The following DLGAP1 variants were observed in gnomAD, a reference collection of about 807,000 sequenced individuals.
DLGAP1 encodes the protein DLG associated protein 1, also known as disks large-associated protein 1.
DLGAP1 carries 11 observed loss-of-function variants against 90.8 expected under a neutral mutation model. The observed-to-expected ratio is 0.12, with a 90% CI of 0.08 to 0.20. The LOEUF (loss-of-function observed/expected upper bound fraction) is 0.20. Ranked by LOEUF, DLGAP1 falls within the 10% of genes least tolerant of loss-of-function variation. DLGAP1 has a pLI of 1.00. For synonymous variants in DLGAP1, 558 were observed against 540.7 expected (o/e 1.03, Z -0.44); for missense variants, 1,050 against 1,333.8 (o/e 0.79, Z 3.31).
intron 2 of DLGAP1, among the ~76,000 whole-genome samples, chr18:4,044,087 T>G (rs1021865273): frequency 2.0e-5 from 3 of 152,108 alleles, no homozygotes; most frequent in African/African-American, 7.2e-5. Context: ...TTCAAAAAAT[T>G]TAAAAATCAG....
chr18:4,427,843 TCA>T (rs1336596029), intron 1 of DLGAP1, among the ~76,000 whole-genome samples: 1 of 152,176 alleles, frequency 6.6e-6, no homozygotes, highest in African/African-American at 2.4e-5. Context: ...TGTCCAGAGC[TCA>T]CAGTTTTTAT....
intron 4 of DLGAP1, among the ~76,000 whole-genome samples, chr18:3,859,593 C>A (rs2069897966): frequency 6.6e-6 from 1 of 152,060 alleles, no homozygotes; most frequent in South Asian, 2.1e-4. Context: ...GTTGTGGCCA[C>A]AGACACAGAT....
At chr18:4,388,915 G>A (rs886756774) in intron 1 of DLGAP1, among the ~76,000 whole-genome samples, 4 of 152,148 alleles carry the variant, frequency 2.6e-5, no homozygotes, top group Non-Finnish European at 5.9e-5. Flanking sequence ...GTTGACGGGA[G>A]TGTAAAATAG....
chr18:4,449,907 G>A (rs1387171153), intron 1 of DLGAP1, among the ~76,000 whole-genome samples: 1 of 152,104 alleles, frequency 6.6e-6, no homozygotes, highest in African/African-American at 2.4e-5. Context: ...AGTCTTATCT[G>A]AACTACCTAG....
intron 5 of DLGAP1, among the ~76,000 whole-genome samples, chr18:3,793,760 T>C (rs1425865588): frequency 6.6e-6 from 1 of 152,186 alleles, no homozygotes; most frequent in African/African-American, 2.4e-5. Context: ...TCTGACTCAC[T>C]TTCCCCTTGC....
At position 3,526,358 on chromosome 18, in the gene DLGAP1, G is replaced by A. The variant is rs770609957; in HGVS notation, c.2479+7836C>T. On this transcript the variant is annotated intron_variant, in intron 10 of 12. Transcript: ENST00000315677. The surrounding 1 kb of genome is among the most constrained non-coding windows in gnomAD (Gnocchi z 4.7). Reference sequence around the variant, plus strand: ...CGGATAAACCCTGGGTGATGGCACCGATAGACCATCACAATGACTGTGCAC... The same window carrying A: ...CGGATAAACCCTGGGTGATGGCACCAATAGACCATCACAATGACTGTGCAC... 4.6e-5 allele frequency among the ~76,000 whole-genome samples: 7 copies of A among 152,152 alleles called. No individual in the cohort carries two copies. Among genetic ancestry groups the A allele is most frequent in the Admixed American group, 1.3e-4 (2 of 15,280 alleles).
At chr18:4,181,725 G>T (rs914246442) in intron 1 of DLGAP1, among the ~76,000 whole-genome samples, 10 of 151,270 alleles carry the variant, frequency 6.6e-5, no homozygotes, top group Admixed American at 5.9e-4. Flanking sequence ...CTGGTATTTT[G>T]ACATTCTCAC....
At chr18:4,300,916 T>C (rs1482865145) in intron 1 of DLGAP1, among the ~76,000 whole-genome samples, 2 of 152,194 alleles carry the variant, frequency 1.3e-5, no homozygotes, top group Non-Finnish European at 2.9e-5. Context: ...ATCTCTCCTT[T>C]GCAAACAACC....
At chr18:3,557,124 G>C (rs1225484796) in intron 9 of DLGAP1, among the ~76,000 whole-genome samples, 2 of 152,054 alleles carry the variant, frequency 1.3e-5, no homozygotes, top group East Asian at 1.9e-4. Flanking sequence ...TATGGTGGAA[G>C]CTTAAATAAT....
intron 3 of DLGAP1, among the ~76,000 whole-genome samples, chr18:3,921,533 TA>T (rs558470280): frequency 2.6e-5 from 4 of 151,810 alleles, no homozygotes; most frequent in Admixed American, 1.3e-4. Context: ...GAGTTTCTAG[TA>T]AAAAAAATAA....
chr18:3,731,618 G>A (rs1311737959), intron 6 of DLGAP1, among the ~76,000 whole-genome samples: 1 of 149,852 alleles, frequency 6.7e-6, no homozygotes. Flanking sequence ...TGTTTCCCAG[G>A]CTGGTCTCTC....
At chr18:3,524,255 A>G (rs1041006056) in intron 10 of DLGAP1, among the ~76,000 whole-genome samples, 1 of 152,064 alleles carries the variant, frequency 6.6e-6, no homozygotes, top group African/African-American at 2.4e-5. Flanking sequence ...AGCCTTGGTG[A>G]CAAAGTGAGA....
At chr18:3,600,098 CTG>C (rs2056812707) in intron 7 of DLGAP1, among the ~76,000 whole-genome samples, 1 of 152,024 alleles carries the variant, frequency 6.6e-6, no homozygotes, top group East Asian at 1.9e-4. Context: ...TTTTAAAAAA[CTG>C]TTTGTAAAGA....
chr18:3,908,395 C>T (rs1034481467), intron 3 of DLGAP1, among the ~76,000 whole-genome samples: 1 of 152,084 alleles, frequency 6.6e-6, no homozygotes, highest in Non-Finnish European at 1.5e-5. Flanking sequence ...TAGTGCATAA[C>T]TATAGAATTT....
intron 2 of DLGAP1, among the ~76,000 whole-genome samples, chr18:4,038,297 T>C (rs577725774): frequency 1.3e-5 from 2 of 152,364 alleles, no homozygotes; most frequent in South Asian, 4.1e-4. Context: ...TTGCCAGAAT[T>C]GGTAACCTTT....
intron 3 of DLGAP1, among the ~76,000 whole-genome samples, chr18:3,904,642 A>G (rs149556015): frequency 6.6e-6 from 1 of 152,340 alleles, no homozygotes; most frequent in Non-Finnish European, 1.5e-5. Flanking sequence ...CTGATTTCCT[A>G]TAGTTTAACC....
intron 1 of DLGAP1, chr18:4,275,387 T>C (rs897210564): frequency 3.9e-5 from 6 of 152,208 alleles, no homozygotes; most frequent in Admixed American, 3.3e-4. Flanking sequence ...CAGGTATGCA[T>C]GTATTTAAAA....
At position 3,749,816 on chromosome 18, in the gene DLGAP1, G is replaced by C. The variant is rs550372758; in HGVS notation, c.1173-7304C>G. Among the ~76,000 whole-genome samples, 6 of 152,230 alleles carry C rather than the reference G, an allele frequency of 3.9e-5. No homozygotes were observed. In the South Asian group the frequency reaches 1.0e-3, roughly 26 times the overall value. On this transcript the variant is annotated intron_variant, in intron 5 of 12. Coordinates refer to ENST00000315677, the MANE Select transcript of DLGAP1 (RefSeq NM_004746.4). ...TTATTTTTTTAATCCACATTGAGATGAATGGCACTGAAATCTACCCAGTCA... is the reference window on the plus strand; with the variant it reads ...TTATTTTTTTAATCCACATTGAGATCAATGGCACTGAAATCTACCCAGTCA...
In DLGAP1 at chr18:3,879,736, C is replaced by T; in HGVS notation, c.333G>A (p.Leu111=). 3 of 1,607,446 alleles carry T rather than the reference C, an allele frequency of 1.9e-6. No homozygotes were observed. The highest frequency in any genetic ancestry group is 2.5e-6 in the Non-Finnish European group (3 of 1,179,720). Residue 111 remains leucine, a synonymous_variant, in exon 4 of 13, where the codon CTG becomes CTA. Coordinates refer to ENST00000315677, the MANE Select transcript of DLGAP1 (RefSeq NM_004746.4). The surrounding 1 kb of genome is among the most constrained non-coding windows in gnomAD (Gnocchi z 6.6). ...ANLLDQFERQ[L]PLSRDGYHTL... ...TGTGATAGCCATCGCGGCTGAGTGG[C>T]AGCTGCCGCTCGAACTGGTCCAGCA... is the stretch of plus-strand genomic sequence containing the variant.
Sources: allele counts gnomAD v4.1 joint callset (sites outside exome capture counted in the v4.1 genomes callset), GRCh38; gene constraint gnomAD v4.1.1; non-coding constraint Gnocchi (gnomAD v3.1); transcripts MANE v1.5; gene names NCBI Gene and HGNC (gene_info 2026-07-23, HGNC 2026-07-21).